The following NRXN1 variants were observed in gnomAD, a reference collection of about 807,000 sequenced individuals.
The protein encoded by NRXN1 is neurexin 1, also known as neurexin-1.
NRXN1 carries 39 observed loss-of-function variants against 150.9 expected under a neutral mutation model. The ratio of observed to expected loss-of-function variants is 0.26; its 90% CI spans 0.20 to 0.34. NRXN1 has a LOEUF of 0.34. NRXN1 is among the 10% of genes least tolerant of loss of function. The probability of loss-of-function intolerance (pLI) is 1.00; values close to 1 mark genes in which losing one functional copy is unlikely to be tolerated. For missense variants in NRXN1, 1,815 were observed against 1,949.9 expected, an observed-to-expected ratio of 0.93 and a Z score of 1.30; for synonymous variants, 924 against 757.0, an observed-to-expected ratio of 1.22 and a Z score of -3.62.
intron 5 of NRXN1, among the ~76,000 whole-genome samples, chr2:50,796,334 T>C (rs1050559146): frequency 9.9e-5 from 15 of 152,178 alleles, no homozygotes; most frequent in African/African-American, 3.6e-4. Flanking sequence ...ATTTGTTGGA[T>C]CACTCTGTTC....
At chr2:50,062,796 C>T (rs1322503114) in intron 19 of NRXN1, among the ~76,000 whole-genome samples, 2 of 151,962 alleles carry the variant, frequency 1.3e-5, no homozygotes, top group Non-Finnish European at 2.9e-5. Context: ...TGTAATTTCT[C>T]CTCAGAAATA....
At chr2:50,622,996 T>C (rs1573837962) in intron 6 of NRXN1, among the ~76,000 whole-genome samples, 1 of 152,036 alleles carries the variant, frequency 6.6e-6, no homozygotes, top group East Asian at 1.9e-4. Flanking sequence ...AAACTACAAT[T>C]TAAAATTAAA....
chr2:50,461,108 G>A (rs1292365484), intron 17 of NRXN1, among the ~76,000 whole-genome samples: 3 of 152,020 alleles, frequency 2.0e-5, no homozygotes, highest in Non-Finnish European at 4.4e-5. Flanking sequence ...AACAAAAGAA[G>A]CTGAGAAACA....
At chr2:50,129,498 T>A (rs542046392) in intron 18 of NRXN1, among the ~76,000 whole-genome samples, 1 of 152,158 alleles carries the variant, frequency 6.6e-6, no homozygotes, top group Non-Finnish European at 1.5e-5. Context: ...ATAAAATAAT[T>A]ATCAGATATC....
At chr2:50,328,930 ATC>A (rs1178569984) in intron 17 of NRXN1, among the ~76,000 whole-genome samples, 3 of 152,178 alleles carry the variant, frequency 2.0e-5, no homozygotes, top group African/African-American at 4.8e-5. Flanking sequence ...AAGCACAGTT[ATC>A]TGAGTAGATG....
intron 8 of NRXN1, among the ~76,000 whole-genome samples, chr2:50,607,140 A>G (rs1677263541): frequency 6.6e-6 from 1 of 152,188 alleles, no homozygotes; most frequent in South Asian, 2.1e-4. Flanking sequence ...TAAAATTCTG[A>G]TGTCCTAAAG....
chr2:49,976,073 A>G (rs1678921906), intron 21 of NRXN1, among the ~76,000 whole-genome samples: 1 of 132,300 alleles, frequency 7.6e-6, no homozygotes. Context: ...CCCAGGCTGG[A>G]GTGCAGTGGT....
intron 2 of NRXN1, among the ~76,000 whole-genome samples, chr2:50,932,429 G>A (rs1687891389): frequency 1.3e-5 from 2 of 152,112 alleles, no homozygotes; most frequent in South Asian, 4.2e-4. Flanking sequence ...TACTTGGTTG[G>A]TAGATTGTTA....
intron 9 of NRXN1, among the ~76,000 whole-genome samples, chr2:50,542,007 C>T (rs190645996): frequency 2.8e-4 from 43 of 152,130 alleles, no homozygotes; most frequent in Non-Finnish European, 2.1e-4. Context: ...GCAGGCCAGG[C>T]GTGGTGGCTC....
chr2:50,935,315 T>C (rs562186549), intron 2 of NRXN1, among the ~76,000 whole-genome samples: 45 of 152,264 alleles, frequency 3.0e-4, no homozygotes, highest in African/African-American at 1.0e-3. Flanking sequence ...GGCAATTGGA[T>C]AAATGGAGCA....
intron 5 of NRXN1, among the ~76,000 whole-genome samples, chr2:50,652,883 C>G (rs1174808886): frequency 6.6e-6 from 1 of 152,050 alleles, no homozygotes; most frequent in Admixed American, 6.6e-5. Flanking sequence ...GCCATCCTAG[C>G]TGGCGTGAAG....
At chr2:50,737,665 T>A (rs1038870233) in intron 5 of NRXN1, among the ~76,000 whole-genome samples, 1 of 152,148 alleles carries the variant, frequency 6.6e-6, no homozygotes, top group Non-Finnish European at 1.5e-5. Context: ...TAATTTTGGA[T>A]GATCGCCCTC....
intron 17 of NRXN1, among the ~76,000 whole-genome samples, chr2:50,324,625 T>C (rs1229503284): frequency 2.6e-5 from 4 of 152,242 alleles, no homozygotes; most frequent in Non-Finnish European, 4.4e-5. Context: ...CATTGCAAGC[T>C]CCGCCTCCCG....
intron 17 of NRXN1, among the ~76,000 whole-genome samples, chr2:50,445,429 A>G (rs1485468220): frequency 6.6e-6 from 1 of 152,182 alleles, no homozygotes. Flanking sequence ...CATTGCAGTC[A>G]AAGAAAAACA....
intron 17 of NRXN1, among the ~76,000 whole-genome samples, chr2:50,382,466 T>C (rs2081040688): frequency 6.6e-6 from 1 of 152,158 alleles, no homozygotes; most frequent in African/African-American, 2.4e-5. Context: ...TTTACACCAG[T>C]GGATACTAGA....
chr2:50,972,942 G>A (rs1395570239), intron 2 of NRXN1, among the ~76,000 whole-genome samples: 4 of 152,192 alleles, frequency 2.6e-5, no homozygotes, highest in Non-Finnish European at 1.5e-5. Context: ...AAATGCCCCT[G>A]TGCAAGGCAC....
At chr2:50,652,222 T>C (rs77023952) in intron 5 of NRXN1, among the ~76,000 whole-genome samples, 4,466 of 152,188 alleles carry the variant, frequency 0.029, 98 homozygotes, top group African/African-American at 0.061. Flanking sequence ...CCTCCTCCTT[T>C]ATATCTTTTC....
chr2:50,238,973 A>C (rs2065734060), intron 17 of NRXN1, among the ~76,000 whole-genome samples: 1 of 152,032 alleles, frequency 6.6e-6, no homozygotes, highest in Admixed American at 6.6e-5. Context: ...TTCAAGAGAG[A>C]AAAGGCAAGC....
At chr2:50,593,787 A>G (rs1248052254) in intron 8 of NRXN1, among the ~76,000 whole-genome samples, 1 of 152,240 alleles carries the variant, frequency 6.6e-6, no homozygotes, top group Admixed American at 6.5e-5. Context: ...TACATCCAAC[A>G]TATCTAGGCT....
Sources: gnomAD v4.1 joint callset for allele counts (sites outside exome capture counted in the v4.1 genomes callset) on GRCh38, gnomAD v4.1.1 for gene constraint, MANE v1.5 for transcripts, NCBI Gene and HGNC (gene_info 2026-07-23, HGNC 2026-07-21) for gene names.